The following PLPPR1 variants were observed in gnomAD, a reference collection of about 807,000 sequenced individuals.
PLPPR1 encodes the protein phospholipid phosphatase-related protein type 1.
Under a neutral mutation model 33.1 loss-of-function variants are expected in PLPPR1, and 10 were observed. That is an observed-to-expected ratio of 0.30 (90% CI 0.19 to 0.51). PLPPR1 has a LOEUF of 0.51. Among genes scored for constraint, PLPPR1 ranks in the 20% least tolerant of loss-of-function variants. PLPPR1 has a pLI of 0.97. For synonymous variants in PLPPR1, 151 were observed against 151.0 expected (o/e 1.00, Z 0.00); for missense variants, 304 against 408.1 (o/e 0.74, Z 2.20).
intron 1 of PLPPR1, among the ~76,000 whole-genome samples, chr9:101,101,843 C>G (rs2118554847): frequency 6.6e-6 from 1 of 152,062 alleles, no homozygotes; most frequent in East Asian, 1.9e-4. Context: ...TACAGATAAC[C>G]CTAAACCACA....
chr9:101,087,148 A>G (rs1830687656), intron 1 of PLPPR1, among the ~76,000 whole-genome samples: 1 of 137,984 alleles, frequency 7.2e-6, no homozygotes, highest in Non-Finnish European at 1.6e-5. Flanking sequence ...ACTGTACTCC[A>G]GCCTGGGTGA....
chr9:101,280,441 G>A (rs953942901), intron 3 of PLPPR1, among the ~76,000 whole-genome samples: 7 of 151,972 alleles, frequency 4.6e-5, no homozygotes, highest in African/African-American at 1.7e-4. Context: ...TATTATATGA[G>A]GCCAGTATTG....
chr9:101,198,994 C>T (rs1029017576), intron 2 of PLPPR1, among the ~76,000 whole-genome samples: 5 of 152,088 alleles, frequency 3.3e-5, no homozygotes, highest in African/African-American at 1.2e-4. Flanking sequence ...TTAGACCTTA[C>T]CTGGTGATAT....
intron 1 of PLPPR1, among the ~76,000 whole-genome samples, chr9:101,095,758 A>T (rs1398930024): frequency 6.6e-6 from 1 of 152,130 alleles, no homozygotes; most frequent in Non-Finnish European, 1.5e-5. Flanking sequence ...CTTTCTCTGC[A>T]TATTGGAGGA....
chr9:101,194,567 T>C (rs1467297340), intron 2 of PLPPR1, among the ~76,000 whole-genome samples: 1 of 152,048 alleles, frequency 6.6e-6, no homozygotes, highest in Non-Finnish European at 1.5e-5. Context: ...CTGACCAACA[T>C]GGAGAAACCC....
intron 4 of PLPPR1, among the ~76,000 whole-genome samples, chr9:101,307,587 C>T (rs1190771240): frequency 6.6e-6 from 1 of 152,190 alleles, no homozygotes; most frequent in Non-Finnish European, 1.5e-5. Flanking sequence ...AGCTAGTTCT[C>T]ATTATGATAA....
At chr9:101,205,325 T>C (rs1340739754) in intron 2 of PLPPR1, among the ~76,000 whole-genome samples, 1 of 152,204 alleles carries the variant, frequency 6.6e-6, no homozygotes, top group African/African-American at 2.4e-5. Flanking sequence ...CTAAATGCTG[T>C]TGGCAGGTGG....
At chr9:101,269,246 A>T (rs1473382249) in intron 2 of PLPPR1, among the ~76,000 whole-genome samples, 1 of 152,094 alleles carries the variant, frequency 6.6e-6, no homozygotes, top group Non-Finnish European at 1.5e-5. Flanking sequence ...CTATAATAAG[A>T]TACGATCATC....
intron 1 of PLPPR1, among the ~76,000 whole-genome samples, chr9:101,051,212 A>G (rs1159526668): frequency 6.6e-6 from 1 of 151,650 alleles, no homozygotes; most frequent in Non-Finnish European, 1.5e-5. Context: ...GTTTTTACCC[A>G]TATCCTCTTC....
intron 1 of PLPPR1, among the ~76,000 whole-genome samples, chr9:101,049,414 T>A (rs750417421): frequency 6.6e-6 from 1 of 152,246 alleles, no homozygotes; most frequent in Non-Finnish European, 1.5e-5. Flanking sequence ...TGTGACTTTA[T>A]GTCTATTCAC....
rs1349482149 is a variant in PLPPR1 at position 101,296,964 on chromosome 9, T to A, written c.385+10728T>A. ...AGTATAATAATAATAAAATAAAATT[T>A]AAAAAAACACTATGAATCCATAATT... On this transcript the variant is annotated intron_variant, in intron 4 of 7. Coordinates refer to ENST00000374874, the MANE Select transcript of PLPPR1 (RefSeq NM_207299.2). Among the ~76,000 whole-genome samples, 6 of 151,876 alleles carry A rather than the reference T, an allele frequency of 4.0e-5. No homozygotes were observed. In the South Asian group the frequency reaches 6.2e-4, roughly 16 times the overall value.
At chr9:101,151,764 A>G (rs1243141811) in intron 1 of PLPPR1, among the ~76,000 whole-genome samples, 1 of 152,188 alleles carries the variant, frequency 6.6e-6, no homozygotes, top group East Asian at 1.9e-4. Context: ...ATGGCCTCAG[A>G]ATCTTTCCCA....
At chr9:101,221,607 T>C (rs1385137336) in intron 2 of PLPPR1, among the ~76,000 whole-genome samples, 1 of 152,168 alleles carries the variant, frequency 6.6e-6, no homozygotes, top group African/African-American at 2.4e-5. Flanking sequence ...TATTATTTCT[T>C]TCTACAACCA....
intron 2 of PLPPR1, among the ~76,000 whole-genome samples, chr9:101,189,681 A>G (rs992415282): frequency 1.3e-5 from 2 of 152,062 alleles, no homozygotes; most frequent in Non-Finnish European, 2.9e-5. Flanking sequence ...TGCTGCTTCA[A>G]ATATCTTTTC....
At chr9:101,249,028 T>A (rs546213824) in intron 2 of PLPPR1, among the ~76,000 whole-genome samples, 4 of 152,204 alleles carry the variant, frequency 2.6e-5, no homozygotes, top group African/African-American at 9.6e-5. Flanking sequence ...CATTCAATGC[T>A]GTGAGTTAGG....
intron 1 of PLPPR1, among the ~76,000 whole-genome samples, chr9:101,086,799 A>T (rs16919808): frequency 0.053 from 8,091 of 152,272 alleles, 382 homozygotes; most frequent in African/African-American, 0.12. Flanking sequence ...TTACCAGCAC[A>T]GAAAACTCTA....
intron 4 of PLPPR1, among the ~76,000 whole-genome samples, chr9:101,301,694 C>G (rs1828756001): frequency 6.6e-6 from 1 of 152,040 alleles, no homozygotes; most frequent in South Asian, 2.1e-4. Flanking sequence ...TTTTGAAGCA[C>G]AATATATAGG....
chr9:101,237,271 A>T (rs1415780985), intron 2 of PLPPR1, among the ~76,000 whole-genome samples: 1 of 151,848 alleles, frequency 6.6e-6, no homozygotes, highest in African/African-American at 2.4e-5. Context: ...AGATTTCCCA[A>T]TAGAACTGAA....
intron 1 of PLPPR1, among the ~76,000 whole-genome samples, chr9:101,140,225 T>TG (rs1455890566): frequency 8.7e-6 from 1 of 114,792 alleles, no homozygotes; most frequent in Non-Finnish European, 2.1e-5. Context: ...GAATAGATTC[T>TG]GTTTTTTCTA....
Sources: allele counts gnomAD v4.1 joint callset (sites outside exome capture counted in the v4.1 genomes callset), GRCh38; gene constraint gnomAD v4.1.1; transcripts MANE v1.5; gene names NCBI Gene and HGNC (gene_info 2026-07-23, HGNC 2026-07-21).